TRHDE: variants seen among roughly 807,000 people sequenced by gnomAD.
The protein encoded by TRHDE is thyrotropin-releasing hormone-degrading ectoenzyme.
Under a neutral mutation model 125.7 loss-of-function variants are expected in TRHDE, and 72 were observed. The ratio of observed to expected loss-of-function variants is 0.57; its 90% CI spans 0.47 to 0.70. TRHDE has a LOEUF of 0.70. Among genes scored for constraint, TRHDE ranks in the 30% least tolerant of loss-of-function variants. The pLI is 0.00. For synonymous variants in TRHDE, 509 were observed against 509.1 expected (o/e 1.00, Z 0.00); for missense variants, 1,110 against 1,327.1 (o/e 0.84, Z 2.54).
At chr12:72,381,610 A>G (rs987046879) in intron 3 of TRHDE, among the ~76,000 whole-genome samples, 17 of 151,784 alleles carry the variant, frequency 1.1e-4, no homozygotes, top group Non-Finnish European at 2.5e-4. Flanking sequence ...TTTAGCCGGG[A>G]TGGTCTCGAT....
At chr12:72,223,183 G>A (rs1333115291) in intron 2 of TRHDE, among the ~76,000 whole-genome samples, 1 of 151,994 alleles carries the variant, frequency 6.6e-6, no homozygotes, top group African/African-American at 2.4e-5. Context: ...AAAAATTTCA[G>A]GTGTAATTAA....
intron 12 of TRHDE, among the ~76,000 whole-genome samples, chr12:72,595,640 T>C (rs558729957): frequency 6.6e-6 from 1 of 152,308 alleles, no homozygotes; most frequent in African/African-American, 2.4e-5. Flanking sequence ...TCACTGACTC[T>C]GGAATTAAGT....
chr12:72,565,090 T>C (rs1870378018), intron 9 of TRHDE, among the ~76,000 whole-genome samples: 1 of 152,224 alleles, frequency 6.6e-6, no homozygotes, highest in African/African-American at 2.4e-5. Flanking sequence ...GAAAATTTAT[T>C]ATTACAATTT....
At chr12:72,443,600 A>G (rs1345395927) in intron 3 of TRHDE, among the ~76,000 whole-genome samples, 3 of 151,720 alleles carry the variant, frequency 2.0e-5, no homozygotes, top group Non-Finnish European at 4.4e-5. Context: ...AAAATGGAGA[A>G]CACATTGAGT....
At chr12:72,553,245 T>C (rs1242050123) in intron 7 of TRHDE, among the ~76,000 whole-genome samples, 5 of 152,150 alleles carry the variant, frequency 3.3e-5, no homozygotes, top group Admixed American at 3.3e-4. Context: ...TATTCAGCTG[T>C]ATGATTACAG....
At chr12:72,444,451 A>T (rs931925886) in intron 3 of TRHDE, among the ~76,000 whole-genome samples, 3 of 150,858 alleles carry the variant, frequency 2.0e-5, no homozygotes, top group African/African-American at 7.3e-5. Flanking sequence ...CATACCCAAC[A>T]TTTTTTTTTG....
chr12:72,271,915 C>T (rs959331553), upstream of TRHDE: 2 of 456,484 alleles, frequency 4.4e-6, no homozygotes, highest in Non-Finnish European at 8.8e-6. Flanking sequence ...GCTGTCGGGT[C>T]TGCAACCTCC....
At chr12:72,344,965 GGTAT>G (rs535701513) in intron 2 of TRHDE, among the ~76,000 whole-genome samples, 47 of 152,052 alleles carry the variant, frequency 3.1e-4, no homozygotes, top group Admixed American at 2.2e-3. Flanking sequence ...ACTGTGTGCT[GGTAT>G]GTTTAACAAC....
chr12:72,306,594 TTTCA>T (rs1565692129), intron 2 of TRHDE: 4 of 152,190 alleles, frequency 2.6e-5, no homozygotes, highest in Admixed American at 1.3e-4. Context: ...GGTATCATGA[TTTCA>T]TTCATTCAGT....
At chr12:72,371,123 G>A (rs924632391) in intron 2 of TRHDE, among the ~76,000 whole-genome samples, 1 of 151,946 alleles carries the variant, frequency 6.6e-6, no homozygotes, top group Non-Finnish European at 1.5e-5. Flanking sequence ...CAGAACTGTT[G>A]TCATAGTACA....
At chr12:72,480,949 C>G (rs10879432) in intron 5 of TRHDE, among the ~76,000 whole-genome samples, 14,077 of 152,070 alleles carry the variant, frequency 0.093, 877 homozygotes, top group African/African-American at 0.17. Context: ...CTCACCACTC[C>G]TGGTAAAAAC....
At chr12:72,524,014 A>C (rs1261841156) in intron 6 of TRHDE, among the ~76,000 whole-genome samples, 1 of 152,176 alleles carries the variant, frequency 6.6e-6, no homozygotes, top group African/African-American at 2.4e-5. Flanking sequence ...GATTTTATCA[A>C]GTCCTCAATA....
chr12:72,456,180 G>GAC (rs1875843778), intron 3 of TRHDE, among the ~76,000 whole-genome samples: 2 of 135,172 alleles, frequency 1.5e-5, no homozygotes, highest in Non-Finnish European at 3.3e-5. Context: ...CACACACAGA[G>GAC]ACTCAGAGAG....
In TRHDE at chr12:72,390,848, CTATGGGA is replaced by C. The variant is rs569627727; in HGVS notation, c.1315+12731_1315+12737del. 1.1e-4 allele frequency among the ~76,000 whole-genome samples: 16 copies of C among 152,214 alleles called. No homozygotes were observed. The East Asian group carries it at 2.9e-3, about 28-fold the overall frequency. On this transcript the variant is annotated intron_variant, in intron 3 of 18. Transcript: ENST00000261180. ...GCATAATAAAAATCTTTGCTGTAAA[CTATGGGA>C]TATCTGCTTGTAATTTTGTGGGGTA...
At chr12:72,342,883 A>G (rs904802971) in intron 2 of TRHDE, among the ~76,000 whole-genome samples, 6 of 152,160 alleles carry the variant, frequency 3.9e-5, no homozygotes, top group South Asian at 2.1e-4. Flanking sequence ...TGATAACGCT[A>G]ATAATTAATA....
At chr12:72,627,770 C>G (rs1873321488) in intron 15 of TRHDE, among the ~76,000 whole-genome samples, 1 of 151,706 alleles carries the variant, frequency 6.6e-6, no homozygotes, top group South Asian at 2.1e-4. Flanking sequence ...CCCTCAAACT[C>G]CTAGGCTCAA....
intron 2 of TRHDE, among the ~76,000 whole-genome samples, chr12:72,209,309 G>A (rs566368339): frequency 3.9e-5 from 6 of 152,270 alleles, no homozygotes; most frequent in African/African-American, 9.6e-5. Flanking sequence ...ATGCACTCCC[G>A]TCCAGATGGT....
chr12:72,286,145 G>A lies in TRHDE; in HGVS notation c.915-536G>A, dbSNP rs188956861. ...CCAAGGTGGCATAGCTAAGAAAGTTGTGGAGCCAGAATTCAGACCAGAATT... is the reference window on the plus strand; with the variant it reads ...CCAAGGTGGCATAGCTAAGAAAGTTATGGAGCCAGAATTCAGACCAGAATT... On this transcript the variant is annotated intron_variant, in intron 1 of 18. Coordinates refer to ENST00000261180, the MANE Select transcript of TRHDE (RefSeq NM_013381.3). Among the ~76,000 whole-genome samples the A allele has an allele frequency of 2.2e-4, 33 of 152,354 alleles. No individual in the cohort carries two copies. In the East Asian group the frequency reaches 6.4e-3, roughly 29 times the overall value.
At chr12:72,271,019 A>G (rs1327533387), upstream of TRHDE, among the ~76,000 whole-genome samples, 1 of 152,214 alleles carries the variant, frequency 6.6e-6, no homozygotes, top group Admixed American at 6.5e-5. Flanking sequence ...AAACTGACCA[A>G]TCATGGAATG....
Sources: allele counts gnomAD v4.1 joint callset (sites outside exome capture counted in the v4.1 genomes callset), GRCh38; gene constraint gnomAD v4.1.1; transcripts MANE v1.5; gene names NCBI Gene and HGNC (gene_info 2026-07-23, HGNC 2026-07-21).